Variants in SLC39A6 observed in about 807,000 individuals in gnomAD.
The protein encoded by SLC39A6 is solute carrier family 39 member 6, also known as zinc transporter ZIP6.
SLC39A6 carries 51 observed loss-of-function variants against 63.5 expected under a neutral mutation model. The ratio of observed to expected loss-of-function variants is 0.80; its 90% CI spans 0.64 to 1.01. The LOEUF (loss-of-function observed/expected upper bound fraction) is 1.01, where lower values mean the gene tolerates loss of function less well. SLC39A6 is among the 50% of genes least tolerant of loss of function. The pLI is 0.00. For missense variants in SLC39A6, 805 were observed against 927.8 expected, an observed-to-expected ratio of 0.87 and a Z score of 1.72; for synonymous variants, 318 against 324.7, an observed-to-expected ratio of 0.98 and a Z score of 0.22.
intron 9 of SLC39A6, 48 bp downstream of exon 9, chr18:36,111,011 C>G (rs757114436): frequency 6.3e-6 from 10 of 1,598,896 alleles, no homozygotes; most frequent in South Asian, 5.7e-5. Flanking sequence ...AATATTTTCT[C>G]TATTTTATTG....
At chr18:36,123,400 C>T in intron 4 of SLC39A6, 95 bp downstream of exon 4, 1 of 1,185,528 alleles carries the variant, frequency 8.4e-7, no homozygotes, top group Non-Finnish European at 1.2e-6. Flanking sequence ...AACCAAATTT[C>T]TAACATTTTA....
chr18:36,125,637 G>A (rs944851541), intron 2 of SLC39A6, among the ~76,000 whole-genome samples: 4 of 151,806 alleles, frequency 2.6e-5, no homozygotes, highest in African/African-American at 9.7e-5. Context: ...ACATCTCTCA[G>A]CCAAGGTGAA....
Position 36,126,567 on chromosome 18 carries a change from TG to T in SLC39A6, c.440del (p.Pro147GlnfsTer41). 6.2e-7 allele frequency: 1 copy of T among 1,614,258 alleles called. No homozygotes were observed. The highest frequency in any genetic ancestry group is 2.2e-5 in the East Asian group (1 of 44,888). On this transcript the variant is annotated frameshift_variant, in exon 2 of 10. Coordinates refer to ENST00000269187, the MANE Select transcript of SLC39A6 (RefSeq NM_012319.4). LOFTEE classifies it high-confidence loss of function. Reference protein sequence around the residue: ...SGKNKRKALCPDHDSDSSGKD... With the variant: ...SGKNKRKALCXDHDSDSSGKD... ...TACCTGAACTATCTGAGTCATGGTCTGGGCAAAGAGCTTTTCGCTTATTTTT... is the reference window on the plus strand; with the variant it reads ...TACCTGAACTATCTGAGTCATGGTCTGGCAAAGAGCTTTTCGCTTATTTTT...
chr18:36,123,656 C>A lies in SLC39A6; in HGVS notation c.979G>T (p.Gly327Cys), dbSNP rs1370776383. 5 of 1,600,730 alleles carry A rather than the reference C, an allele frequency of 3.1e-6. No individual in the cohort carries two copies. The highest frequency in any genetic ancestry group is 1.1e-5 in the South Asian group (1 of 88,332). ...ATGATGGAAATGGCTATAAAACCACCAACCCAGGCTGTCAAACAAAACAAA... is the reference window on the plus strand; with the variant it reads ...ATGATGGAAATGGCTATAAAACCACAAACCCAGGCTGTCAAACAAAACAAA... ...KTYSLQIAWV[G>C]GFIAISIISF... is the part of the protein sequence containing the mutation. The change falls in exon 4 of 10, where the codon GGT becomes TGT. Residue 327 changes from glycine (G) to cysteine (C), a missense_variant. Coordinates refer to ENST00000269187, the MANE Select transcript of SLC39A6 (RefSeq NM_012319.4).
chr18:36,122,184 A>G lies in SLC39A6; in HGVS notation c.1227T>C (p.Ser409=). 1 of 1,614,092 alleles carries G rather than the reference A, an allele frequency of 6.2e-7. No homozygotes were observed. Among genetic ancestry groups the G allele is most frequent in the South Asian group, 1.1e-5 (1 of 91,082 alleles). The change falls in exon 5 of 10, where the codon TCT becomes TCC. Residue 409 remains serine, a synonymous_variant. Transcript: ENST00000269187. ...AATAGGCACTTTCTTCTATGTTTTG[A>G]GAAGACAGATGACTGAAAAGTGGTC... is the stretch of plus-strand genomic sequence containing the variant. ...KRGPLFSHLS[S]QNIEESAYFD... is the part of the protein sequence containing the mutation.
intron 2 of SLC39A6, among the ~76,000 whole-genome samples, chr18:36,125,406 ATCT>A (rs2144512096): frequency 6.6e-6 from 1 of 151,786 alleles, no homozygotes; most frequent in East Asian, 1.9e-4. Flanking sequence ...CCAGTTTCTC[ATCT>A]TCTGTAAAGA....
Position 36,111,218 on chromosome 18 carries a change from C to A in SLC39A6, c.1956G>T (p.Met652Ile). The part of the protein sequence containing the change: ...GDFAVLLKAG[M>I]TVKQAVLYNA... The stretch of plus-strand genomic sequence containing the variant: ...TATAAAGGACAGCCTGCTTAACGGT[C>A]ATGCCAGCCTTTAGTAGAACAGCAA... The change falls in exon 9 of 10, where the codon ATG (methionine) becomes ATT (isoleucine). Residue 652 changes from methionine to isoleucine, a missense_variant. By Grantham distance (10) the Met-to-Ile change is conservative. Transcript: ENST00000269187. 6.2e-7 allele frequency: 1 copy of A among 1,614,076 alleles called. No homozygotes were observed. Among genetic ancestry groups the A allele is most frequent in the South Asian group, 1.1e-5 (1 of 91,036 alleles).
chr18:36,126,839 G>C lies in SLC39A6; in HGVS notation c.169C>G (p.Leu57Val), dbSNP rs1308437683. 1 of 1,614,182 alleles carries C rather than the reference G, an allele frequency of 6.2e-7. No homozygotes were observed. The highest frequency in any genetic ancestry group is 8.5e-7 in the Non-Finnish European group (1 of 1,180,036). The change falls in exon 2 of 10, where the codon CTA (leucine) becomes GTA (valine). Residue 57 changes from leucine (L) to valine (V), a missense_variant. Physicochemically the swap from Leu to Val is conservative, Grantham distance 32 (BLOSUM62 1). Coordinates refer to ENST00000269187, the MANE Select transcript of SLC39A6 (RefSeq NM_012319.4). The part of the protein sequence containing the change: ...DLAISTRQYH[L>V]QQLFYRYGEN... ...CCATAGCGGTAGAAAAGCTGTTGTAGATGATATTGCCGTGTGGAAATTGCC... is the reference window on the plus strand; with the variant it reads ...CCATAGCGGTAGAAAAGCTGTTGTACATGATATTGCCGTGTGGAAATTGCC...
intron 5 of SLC39A6, among the ~76,000 whole-genome samples, chr18:36,117,375 T>C (rs2089354654): frequency 6.6e-6 from 1 of 152,240 alleles, no homozygotes; most frequent in East Asian, 1.9e-4. Context: ...CCTAAAACTA[T>C]AGTTTTTTAG....
At chr18:36,121,163 T>A (rs1478135814) in intron 5 of SLC39A6, among the ~76,000 whole-genome samples, 1 of 152,030 alleles carries the variant, frequency 6.6e-6, no homozygotes, top group African/African-American at 2.4e-5. Flanking sequence ...TTTCTTTTTT[T>A]TTTTTTATTT....
In SLC39A6 at chr18:36,126,951, A is replaced by G; in HGVS notation, c.57T>C (p.Asn19=). The G allele has an allele frequency of 6.2e-7, 1 of 1,614,172 alleles. No individual in the cohort carries two copies. Among genetic ancestry groups the G allele is most frequent in the Non-Finnish European group, 8.5e-7 (1 of 1,180,032 alleles). Residue 19 remains asparagine (N), a synonymous_variant, in exon 2 of 10, where the codon AAT becomes AAC. Transcript: ENST00000269187. The part of the protein sequence containing the change: ...LILTFALSVT[N]PLHELKAAAF... ...CAGCTGCTTTTAGTTCATGAAGGGG[A>G]TTTGTGACAGAGAGGGCAAAGGTCA...
chr18:36,111,308 T>TA, intron 8 of SLC39A6, 59 bp from the exon 9 acceptor site: 1 of 1,511,674 alleles, frequency 6.6e-7, no homozygotes, highest in East Asian at 2.3e-5. Context: ...TTAAGACACA[T>TA]ACCAAGATAC....
chr18:36,125,350 G>A (rs369281105), intron 2 of SLC39A6, among the ~76,000 whole-genome samples: 315 of 133,704 alleles, frequency 2.4e-3, no homozygotes, highest in Middle Eastern at 7.5e-3. Context: ...AGCCAAAAAA[G>A]AAAAAAAAAA....
intron 5 of SLC39A6, among the ~76,000 whole-genome samples, chr18:36,117,283 T>C (rs2089353885): frequency 1.3e-5 from 2 of 152,198 alleles, no homozygotes; most frequent in East Asian, 3.8e-4. Flanking sequence ...TTCAGGCATC[T>C]AGTGATCTGG....
At chr18:36,124,786 ACTT>A (rs2089422679) in intron 2 of SLC39A6, 86 bp from the exon 3 acceptor site, 1 of 1,083,658 alleles carries the variant, frequency 9.2e-7, no homozygotes, top group African/African-American at 1.6e-5. Flanking sequence ...TACTAATGCT[ACTT>A]CGTTTTCTCG....
chr18:36,121,814 C>A (rs2089396709), intron 5 of SLC39A6, among the ~76,000 whole-genome samples: 1 of 152,156 alleles, frequency 6.6e-6, no homozygotes. Context: ...TTCATCCTTG[C>A]TTTTCTTATC....
intron 5 of SLC39A6, among the ~76,000 whole-genome samples, chr18:36,117,486 C>G (rs553748976): frequency 1.3e-5 from 2 of 152,298 alleles, no homozygotes; most frequent in African/African-American, 4.8e-5. Context: ...TTTTAACCAT[C>G]CCAAATACCA....
At chr18:36,113,983 G>T in intron 7 of SLC39A6, 114 bp downstream of exon 7, 1 of 1,278,770 alleles carries the variant, frequency 7.8e-7, no homozygotes, top group Non-Finnish European at 1.0e-6. Flanking sequence ...TTATAATCTT[G>T]GAAGTCACTA....
At chr18:36,124,463 A>C in intron 3 of SLC39A6, 57 bp downstream of exon 3, 2 of 1,139,972 alleles carry the variant, frequency 1.8e-6, no homozygotes, top group Non-Finnish European at 2.5e-6. Flanking sequence ...ATCTAAGGAA[A>C]AGCACAATAT....
Sources: allele counts gnomAD v4.1 joint callset (sites outside exome capture counted in the v4.1 genomes callset), GRCh38; gene constraint gnomAD v4.1.1; transcripts MANE v1.5; gene names NCBI Gene and HGNC (gene_info 2026-07-23, HGNC 2026-07-21).